Variants in SHROOM1 observed in about 807,000 individuals in gnomAD.
SHROOM1 encodes shroom family member 1.
In SHROOM1, 53 loss-of-function variants were observed where a neutral mutation model predicts 64.2. That is an observed-to-expected ratio of 0.83 (90% CI 0.66 to 1.04). The LOEUF (loss-of-function observed/expected upper bound fraction) is 1.04. SHROOM1 is among the 50% of genes least tolerant of loss of function. SHROOM1 has a pLI of 0.00. For synonymous variants in SHROOM1, 490 were observed against 518.9 expected, an observed-to-expected ratio of 0.94 and a Z score of 0.76; for missense variants, 1,179 against 1,163.2, an observed-to-expected ratio of 1.01 and a Z score of -0.20.
chr5:132,822,711 A>C lies in SHROOM1; in HGVS notation c.*85T>G. On this transcript the variant is annotated 3_prime_UTR_variant, in exon 10 of 10. Coordinates refer to ENST00000378679, the MANE Select transcript of SHROOM1 (RefSeq NM_001172700.2). ...GGACTGGGTCCTCCCCAATCCCTCA[A>C]GGGAAAAGCAGAGACTAAATCAGCA... 1 of 1,426,454 alleles carries C rather than the reference A, an allele frequency of 7.0e-7. No homozygotes were observed. The highest frequency in any genetic ancestry group is 1.4e-5 in the African/African-American group (1 of 69,872). The allele number at this position is 1,426,454 out of a possible 1,614,324, so 88.4% of individuals were successfully genotyped here. A position where few individuals can be genotyped will look rare whatever the true frequency, so the allele number is the denominator to read the frequency against.
At position 132,825,356 on chromosome 5, in the gene SHROOM1, T is replaced by C; in HGVS notation, c.785A>G (p.His262Arg). 1 of 1,600,894 alleles carries C rather than the reference T, an allele frequency of 6.2e-7. No homozygotes were observed. Among genetic ancestry groups the C allele is most frequent in the Non-Finnish European group, 8.5e-7 (1 of 1,179,154 alleles). ...LPGPEPLEFQ[H>R]PALAKFEDHE... is the part of the protein sequence containing the mutation. The stretch of plus-strand genomic sequence containing the variant: ...ATCTTCAAACTTAGCCAGCGCCGGA[T>C]GCTGGAACTCCAAGGGCTCGGGCCC... Residue 262 changes from histidine (H) to arginine (R), a missense_variant, in exon 4 of 10, where the codon CAT becomes CGT. Transcript: ENST00000378679. The surrounding 1 kb of genome is among the most constrained non-coding windows in gnomAD (Gnocchi z 5.1).
In SHROOM1 at chr5:132,822,758, G is replaced by C; in HGVS notation, c.*38C>G. 6.6e-7 allele frequency: 1 copy of C among 1,524,780 alleles called. No individual in the cohort carries two copies. The highest frequency in any genetic ancestry group is 8.8e-7 in the Non-Finnish European group (1 of 1,133,486). The allele number at this position is 1,524,780 out of a possible 1,614,324, so 94.5% of individuals were successfully genotyped here. ...AGCATCACCCCACTTACGTGGGTGA[G>C]AGATAGGGGCGGTGCACCCCACCCT... On this transcript the variant is annotated 3_prime_UTR_variant, in exon 10 of 10. Coordinates refer to ENST00000378679, the MANE Select transcript of SHROOM1 (RefSeq NM_001172700.2).
Position 132,823,581 on chromosome 5 carries a change from C to A in SHROOM1, c.1953+42G>T. ...ATGACTTCCCTGCCCAGGCTCTGGG[C>A]TCCTACCCACCCCCAGCCTCCACCA... On this transcript the variant is annotated intron_variant, in intron 8 of 9. Coordinates refer to ENST00000378679, the MANE Select transcript of SHROOM1 (RefSeq NM_001172700.2). The surrounding 1 kb of genome is among the most constrained non-coding windows in gnomAD (Gnocchi z 4.6). 6.4e-7 allele frequency: 1 copy of A among 1,567,228 alleles called. No individual in the cohort carries two copies. The highest frequency in any genetic ancestry group is 8.7e-7 in the Non-Finnish European group (1 of 1,153,360).
chr5:132,824,833 G>A lies in SHROOM1; in HGVS notation c.1035-12C>T. ...TCTGAGGCAAGAACCTGGAGGCAGG[G>A]ACCCCATAGTGACCACAGTGAAAGG... On this transcript the variant is annotated splice_polypyrimidine_tract_variant and intron_variant, in intron 5 of 9. Coordinates refer to ENST00000378679, the MANE Select transcript of SHROOM1 (RefSeq NM_001172700.2). 4 of 1,613,844 alleles carry A rather than the reference G, an allele frequency of 2.5e-6. No individual in the cohort carries two copies. Among genetic ancestry groups the A allele is most frequent in the Non-Finnish European group, 3.4e-6 (4 of 1,179,852 alleles).
rs1758673720 is a variant in SHROOM1, at chr5:132,825,861, C to T, written c.280G>A (p.Gly94Arg). 7.7e-6 allele frequency: 10 copies of T among 1,293,626 alleles called. No homozygotes were observed. The highest frequency in any genetic ancestry group is 8.9e-6 in the Non-Finnish European group (9 of 1,016,536). The allele number at this position is 1,293,626 out of a possible 1,614,324, so 80.1% of individuals were successfully genotyped here. ...CCCGGGACCTCTGTTGGCTGCGGCCCACTGCGGGCTGCAACCGCGGGCCGG... is the reference window on the plus strand; with the variant it reads ...CCCGGGACCTCTGTTGGCTGCGGCCTACTGCGGGCTGCAACCGCGGGCCGG... Reference protein sequence around the residue: ...RPRPAVAARSGPQPTEVPGTP... With the variant: ...RPRPAVAARSRPQPTEVPGTP... The change falls in exon 4 of 10, where the codon GGG becomes AGG. Residue 94 changes from glycine to arginine, a missense_variant. Coordinates refer to ENST00000378679, the MANE Select transcript of SHROOM1 (RefSeq NM_001172700.2). The surrounding 1 kb of genome is among the most constrained non-coding windows in gnomAD (Gnocchi z 5.1).
rs151078855 is a variant in SHROOM1 at position 132,823,264 on chromosome 5, C to T, written c.2212G>A (p.Asp738Asn). 1.3e-5 allele frequency: 21 copies of T among 1,598,026 alleles called. No homozygotes were observed. The East Asian group carries it at 3.3e-4, about 25-fold the overall frequency. Residue 738 changes from aspartate to asparagine, a missense_variant, in exon 9 of 10, where the codon GAC becomes AAC. Physicochemically the swap from Asp to Asn is conservative, Grantham distance 23. Coordinates refer to ENST00000378679, the MANE Select transcript of SHROOM1 (RefSeq NM_001172700.2). This position sits in a 1 kb window ranked among gnomAD's most constrained non-coding sequence, Gnocchi z 4.6. ...ACCCCTTTTACCTGCTCATCAGGGT[C>T]GCTGTCTGAGGCCGCCCGGGCCAGG... ...RALARAASDS[D>N]PDEQASLLQR...
At chr5:132,828,735 T>C (rs1286608979) in intron 1 of SHROOM1, among the ~76,000 whole-genome samples, 1 of 152,044 alleles carries the variant, frequency 6.6e-6, no homozygotes, top group African/African-American at 2.4e-5. Context: ...GAATGGGCAA[T>C]AAAAATGTGT....
Position 132,822,864 on chromosome 5 carries a change from G to T in SHROOM1, c.2491C>A (p.Pro831Thr), listed in dbSNP as rs147883343. The change falls in exon 10 of 10, where the codon CCC (proline) becomes ACC (threonine). Residue 831 changes from proline (P) to threonine (T), a missense_variant. Coordinates refer to ENST00000378679, the MANE Select transcript of SHROOM1 (RefSeq NM_001172700.2). The stretch of plus-strand genomic sequence containing the variant: ...GTCCCTGGGGGCCGCGCCGGGCTGG[G>T]AGACGGGGCATGATGGCCAAGGTCG... Reference protein sequence around the residue: ...RDDLGHHAPSPSPARPPGTCP... With the variant: ...RDDLGHHAPSTSPARPPGTCP... 5.2e-5 allele frequency: 84 copies of T among 1,613,422 alleles called. 1 individual carries two copies. In the Admixed American group the frequency reaches 7.2e-4, roughly 14 times the overall value.
chr5:132,830,568 C>A lies in SHROOM1; in HGVS notation c.-501+26G>T. On this transcript the variant is annotated intron_variant, in intron 1 of 9. Transcript: ENST00000378679. The surrounding 1 kb of genome is among the most constrained non-coding windows in gnomAD (Gnocchi z 5.9). ...GGGAAGCGGACCCAGCCGCCCGCTTCCCGCTCCCCCGCCCCCGCCGCGTAC... is the reference window on the plus strand; with the variant it reads ...GGGAAGCGGACCCAGCCGCCCGCTTACCGCTCCCCCGCCCCCGCCGCGTAC... The A allele has an allele frequency of 1.0e-6, 1 of 985,638 alleles. No individual in the cohort carries two copies. The highest frequency in any genetic ancestry group is 4.6e-5 in the South Asian group (1 of 21,736). The allele number at this position is 985,638 out of a possible 1,614,324, so 61.1% of individuals were successfully genotyped here.
Position 132,823,615 on chromosome 5 carries a change from CCA to C in SHROOM1, c.1953+6_1953+7del, listed in dbSNP as rs755385429. The C allele has an allele frequency of 2.8e-5, 45 of 1,581,078 alleles. No individual in the cohort carries two copies. The African/African-American group carries it at 4.9e-4, about 17-fold the overall frequency. On this transcript the variant is annotated splice_donor_region_variant and intron_variant, in intron 8 of 9. Coordinates refer to ENST00000378679, the MANE Select transcript of SHROOM1 (RefSeq NM_001172700.2). The surrounding 1 kb of genome is among the most constrained non-coding windows in gnomAD (Gnocchi z 4.6). ...ACCCCCAGCCTCCACCAGCCCTTCTCCACTCACTTTCTTGCCCTGGATGCTGT... is the reference window on the plus strand; with the variant it reads ...ACCCCCAGCCTCCACCAGCCCTTCTCCTCACTTTCTTGCCCTGGATGCTGT...
chr5:132,826,120 C>A lies in SHROOM1; in HGVS notation c.21G>T (p.Gly7=). 1 of 1,382,988 alleles carries A rather than the reference C, an allele frequency of 7.2e-7. No individual in the cohort carries two copies. The highest frequency in any genetic ancestry group is 1.8e-5 in the South Asian group (1 of 56,938). The allele number at this position is 1,382,988 out of a possible 1,614,324, so 85.7% of individuals were successfully genotyped here. A position where few individuals can be genotyped will look rare whatever the true frequency, so the allele number is the denominator to read the frequency against. Residue 7 remains glycine, a synonymous_variant, in exon 4 of 10, where the codon GGG becomes GGT. Transcript: ENST00000378679. ...ACGAGGCCGGGGAGGCGCGGTCGCC[C>A]CCAGGTCCCAGGGCCTCCATGGCTG... MEALGP[G]GDRASPASST...
Position 132,824,671 on chromosome 5 carries a change from T to C in SHROOM1, c.1185A>G (p.Pro395=), listed in dbSNP as rs777587232. The change falls in exon 6 of 10, where the codon CCA becomes CCG. Residue 395 remains proline (P), a synonymous_variant. Transcript: ENST00000378679. The part of the protein sequence containing the change: ...LPDEVFLEEA[P]LVRMRSPPDP... ...CTGGTGGTGATCTCATTCTGACCAGTGGGGCCTCTTCTAGGAACACTTCAT... is the reference window on the plus strand; with the variant it reads ...CTGGTGGTGATCTCATTCTGACCAGCGGGGCCTCTTCTAGGAACACTTCAT... 1.2e-6 allele frequency: 2 copies of C among 1,613,884 alleles called. No homozygotes were observed. The highest frequency in any genetic ancestry group is 2.2e-5 in the South Asian group (2 of 91,070).
chr5:132,828,075 G>A (rs1758757373), intron 1 of SHROOM1, among the ~76,000 whole-genome samples: 1 of 152,124 alleles, frequency 6.6e-6, no homozygotes, highest in Non-Finnish European at 1.5e-5. Context: ...TTGGTAGGGA[G>A]TGCAGAGTAG....
At position 132,823,973 on chromosome 5, in the gene SHROOM1, T is replaced by A. The variant is rs770237152; in HGVS notation, c.1688A>T (p.Gln563Leu). Residue 563 changes from glutamine (Q) to leucine (L), a missense_variant, in exon 7 of 10, where the codon CAG becomes CTG. Transcript: ENST00000378679. The surrounding 1 kb of genome is among the most constrained non-coding windows in gnomAD (Gnocchi z 4.6). ...DPSLCDPLAS[Q>L]PSPEPPLGLL... ...GCCCAGGGGTGGCTCTGGGCTGGGC[T>A]GGGAAGCAAGAGGGTCACATAGAGA... is the stretch of plus-strand genomic sequence containing the variant. 16 of 1,604,100 alleles carry A rather than the reference T, an allele frequency of 1.0e-5. No homozygotes were observed. In the African/African-American group the frequency reaches 1.9e-4, roughly 19 times the overall value.
chr5:132,825,524 GGC>G lies in SHROOM1; in HGVS notation c.615_616del (p.Pro206ArgfsTer39), dbSNP rs1758650776. On this transcript the variant is annotated frameshift_variant, in exon 4 of 10. Coordinates refer to ENST00000378679, the MANE Select transcript of SHROOM1 (RefSeq NM_001172700.2). LOFTEE classifies it high-confidence loss of function. The surrounding 1 kb of genome is among the most constrained non-coding windows in gnomAD (Gnocchi z 5.1). The stretch of plus-strand genomic sequence containing the variant: ...GAGGGGACCCCGGCCGGCAGTTCCT[GGC>G]GCGGGAGCCCGGGAGCGCGCCGGCT... 6.8e-7 allele frequency: 1 copy of G among 1,468,526 alleles called. No homozygotes were observed. The highest frequency in any genetic ancestry group is 1.4e-5 in the African/African-American group (1 of 69,098). The allele number at this position is 1,468,526 out of a possible 1,614,324, so 91.0% of individuals were successfully genotyped here.
rs1160496867 is a variant in SHROOM1, at chr5:132,822,622, CAA to C, written c.*172_*173del. On this transcript the variant is annotated 3_prime_UTR_variant, in exon 10 of 10. Coordinates refer to ENST00000378679, the MANE Select transcript of SHROOM1 (RefSeq NM_001172700.2). ...TTGTGATCCGCCCGCCTCGGCCTCC[CAA>C]AGTGCTGGGATTACAGGCGTGAGCC... 5.7e-6 allele frequency: 4 copies of C among 697,336 alleles called. No homozygotes were observed. In the African/African-American group the frequency reaches 7.3e-5, roughly 13 times the overall value. The allele number at this position is 697,336 out of a possible 1,614,324, so 43.2% of individuals were successfully genotyped here.
Position 132,823,208 on chromosome 5 carries a change from C to T in SHROOM1, c.2226+42G>A. 2 of 1,562,372 alleles carry T rather than the reference C, an allele frequency of 1.3e-6. No individual in the cohort carries two copies. The highest frequency in any genetic ancestry group is 1.7e-6 in the Non-Finnish European group (2 of 1,161,820). On this transcript the variant is annotated intron_variant, in intron 9 of 9. Transcript: ENST00000378679. This position sits in a 1 kb window ranked among gnomAD's most constrained non-coding sequence, Gnocchi z 4.6. ...AATGGTTCCAGCCGGAGACAGCAGG[C>T]CCCTCACCGCCCTACTCGCTTGCAA...
At position 132,825,537 on chromosome 5, in the gene SHROOM1, G is replaced by T; in HGVS notation, c.604C>A (p.Arg202=). Residue 202 remains arginine, a synonymous_variant, in exon 4 of 10, where the codon CGG becomes AGG. Coordinates refer to ENST00000378679, the MANE Select transcript of SHROOM1 (RefSeq NM_001172700.2). The surrounding 1 kb of genome is among the most constrained non-coding windows in gnomAD (Gnocchi z 5.1). The stretch of plus-strand genomic sequence containing the variant: ...CCGGCAGTTCCTGGCGCGGGAGCCC[G>T]GGAGCGCGCCGGCTCCCCCTCCCCG... ...PGGEGEPARS[R]APAPGTAGRG... 1 of 1,442,210 alleles carries T rather than the reference G, an allele frequency of 6.9e-7. No individual in the cohort carries two copies. The highest frequency in any genetic ancestry group is 1.5e-5 in the South Asian group (1 of 68,502). The allele number at this position is 1,442,210 out of a possible 1,614,324, so 89.3% of individuals were successfully genotyped here.
Position 132,830,575 on chromosome 5 carries a change from C to A in SHROOM1, c.-501+19G>T. On this transcript the variant is annotated intron_variant, in intron 1 of 9. Coordinates refer to ENST00000378679, the MANE Select transcript of SHROOM1 (RefSeq NM_001172700.2). This position sits in a 1 kb window ranked among gnomAD's most constrained non-coding sequence, Gnocchi z 5.9. ...GGACCCAGCCGCCCGCTTCCCGCTC[C>A]CCCGCCCCCGCCGCGTACCTGAGGC... 1.0e-6 allele frequency: 1 copy of A among 985,666 alleles called. No homozygotes were observed. The highest frequency in any genetic ancestry group is 4.6e-5 in the South Asian group (1 of 21,692). 61.1% of individuals were successfully genotyped at this position (985,666 alleles called of 1,614,324 possible).
Sources: gnomAD v4.1 joint callset for allele counts (sites outside exome capture counted in the v4.1 genomes callset) on GRCh38, gnomAD v4.1.1 for gene constraint, Gnocchi (gnomAD v3.1) non-coding constraint, MANE v1.5 for transcripts, NCBI Gene and HGNC (gene_info 2026-07-23, HGNC 2026-07-21) for gene names.